Variants in TAFA2 observed in about 807,000 individuals in gnomAD.
TAFA2 encodes TAFA chemokine like family member 2, also known as chemokine-like protein TAFA-2.
A neutral mutation model predicts 18.8 loss-of-function variants in TAFA2; 7 were observed. The ratio of observed to expected loss-of-function variants is 0.37; its 90% CI spans 0.21 to 0.70. The LOEUF (loss-of-function observed/expected upper bound fraction) is 0.70, where lower values mean the gene tolerates loss of function less well. TAFA2 is among the 30% of genes least tolerant of loss of function. The pLI, the probability that TAFA2 is intolerant of heterozygous loss-of-function variation, is 0.53. For synonymous variants in TAFA2, 60 were observed against 54.2 expected (o/e 1.11, Z -0.47); for missense variants, 122 against 158.1 (o/e 0.77, Z 1.23).
At chr12:61,819,799 T>C (rs1872244813) in intron 2 of TAFA2, among the ~76,000 whole-genome samples, 1 of 152,124 alleles carries the variant, frequency 6.6e-6, no homozygotes, top group South Asian at 2.1e-4. Flanking sequence ...ACTGAGAATA[T>C]GACAAATGTC....
chr12:61,745,504 C>T (rs1868660794), intron 4 of TAFA2, among the ~76,000 whole-genome samples: 1 of 152,070 alleles, frequency 6.6e-6, no homozygotes, highest in Non-Finnish European at 1.5e-5. Flanking sequence ...CCCAAGACCT[C>T]AATCAACTAT....
chr12:62,199,080 G>A (rs1176546272), intron 1 of TAFA2, among the ~76,000 whole-genome samples: 1 of 152,118 alleles, frequency 6.6e-6, no homozygotes, highest in Non-Finnish European at 1.5e-5. Context: ...GACTCGGTTG[G>A]GCTTACTCAT....
Position 61,816,322 on chromosome 12 carries a change from G to C in TAFA2, c.106+50998C>G, listed in dbSNP as rs1215096337. ...AGTTTGCTAAGGATAATAGACTCCAGCTCCATCCATGTTCCTGCAAAAGAC... is the reference window on the plus strand; with the variant it reads ...AGTTTGCTAAGGATAATAGACTCCACCTCCATCCATGTTCCTGCAAAAGAC... On this transcript the variant is annotated intron_variant, in intron 2 of 4. Transcript: ENST00000416284. Among the ~76,000 whole-genome samples, 4 of 151,272 alleles carry C rather than the reference G, an allele frequency of 2.6e-5. 1 individual carries two copies. The highest frequency in any genetic ancestry group is 9.8e-5 in the African/African-American group (4 of 40,634).
intron 1 of TAFA2, among the ~76,000 whole-genome samples, chr12:62,047,190 A>G (rs1487694886): frequency 1.3e-5 from 2 of 152,138 alleles, no homozygotes; most frequent in Non-Finnish European, 2.9e-5. Context: ...TCAGCACCTA[A>G]CTGGTAGCAA....
chr12:62,212,954 A>T (rs560716697), intron 1 of TAFA2, among the ~76,000 whole-genome samples: 1 of 152,338 alleles, frequency 6.6e-6, no homozygotes, highest in African/African-American at 2.4e-5. Flanking sequence ...CCTGAAAATA[A>T]GCCTAAATAT....
In TAFA2 at chr12:62,241,539, A is replaced by T. The variant is rs77330297; in HGVS notation, c.-130+17224T>A. 3.4e-3 allele frequency among the ~76,000 whole-genome samples: 514 copies of T among 152,364 alleles called. 5 individuals are homozygous for T. The East Asian group carries it at 0.052, about 15-fold the overall frequency. ...TCCATTGTTGTGTAATATTTTAGCC[A>T]GTAAATAATACTTAATTGGCTTCCT... is the stretch of plus-strand genomic sequence containing the variant. On this transcript the variant is annotated intron_variant, in intron 1 of 5. Transcript: ENST00000551619.
chr12:62,248,744 T>C (rs1423184208), intron 1 of TAFA2, among the ~76,000 whole-genome samples: 1 of 152,228 alleles, frequency 6.6e-6, no homozygotes, highest in Non-Finnish European at 1.5e-5. Context: ...AATTCTTTTT[T>C]ATTTTTAATT....
At chr12:61,719,754 G>A (rs1869815729) in intron 4 of TAFA2, among the ~76,000 whole-genome samples, 1 of 152,154 alleles carries the variant, frequency 6.6e-6, no homozygotes, top group Non-Finnish European at 1.5e-5. Flanking sequence ...ACACCTGTCT[G>A]AATGAAGAAT....
chr12:61,836,867 T>C (rs886716011), intron 2 of TAFA2, among the ~76,000 whole-genome samples: 2 of 150,874 alleles, frequency 1.3e-5, no homozygotes, highest in African/African-American at 4.8e-5. Flanking sequence ...TATTTCTTTG[T>C]GAATTCCCTG....
intron 1 of TAFA2, among the ~76,000 whole-genome samples, chr12:62,188,079 C>T (rs1158344070): frequency 6.6e-6 from 1 of 152,096 alleles, no homozygotes; most frequent in East Asian, 1.9e-4. Context: ...GCTGGTTTGG[C>T]CTTCATATCT....
At chr12:62,008,345 G>T in intron 1 of TAFA2, among the ~76,000 whole-genome samples, 1 of 152,058 alleles carries the variant, frequency 6.6e-6, no homozygotes, top group East Asian at 1.9e-4. Context: ...AGTTGATTAA[G>T]TGGTTAAATA....
chr12:62,200,768 A>G (rs2062667764), intron 1 of TAFA2, among the ~76,000 whole-genome samples: 3 of 152,178 alleles, frequency 2.0e-5, no homozygotes, highest in Non-Finnish European at 2.9e-5. Flanking sequence ...ATTTTATAGT[A>G]GCTTTCTCTA....
chr12:62,257,247 C>T, intron 1 of TAFA2, among the ~76,000 whole-genome samples: 1 of 151,230 alleles, frequency 6.6e-6, no homozygotes, highest in East Asian at 1.9e-4. Flanking sequence ...TTCCCTTAGG[C>T]TCATGTAGCC....
intron 2 of TAFA2, among the ~76,000 whole-genome samples, chr12:61,827,704 A>G (rs1418669052): frequency 2.0e-5 from 3 of 152,164 alleles, no homozygotes; most frequent in South Asian, 4.1e-4. Context: ...ATATAAATAT[A>G]TGAATAGTCC....
intron 2 of TAFA2, among the ~76,000 whole-genome samples, chr12:61,767,305 AT>A (rs902769033): frequency 2.0e-5 from 3 of 152,070 alleles, no homozygotes; most frequent in African/African-American, 4.8e-5. Flanking sequence ...GAATCTCTAG[AT>A]TTCTTTCCAA....
intron 4 of TAFA2, among the ~76,000 whole-genome samples, chr12:61,719,409 A>T (rs1225980562): frequency 1.3e-5 from 2 of 152,070 alleles, no homozygotes; most frequent in Non-Finnish European, 2.9e-5. Context: ...GTCTTTTGAG[A>T]TATCTTTTCA....
chr12:61,843,261 G>T (rs187381685), intron 2 of TAFA2, among the ~76,000 whole-genome samples: 1 of 152,112 alleles, frequency 6.6e-6, no homozygotes, highest in Admixed American at 6.6e-5. Flanking sequence ...AATTATTTCC[G>T]AGTTTGCTGA....
chr12:61,804,304 T>G (rs12303470), intron 2 of TAFA2, among the ~76,000 whole-genome samples: 4,384 of 152,182 alleles, frequency 0.029, 218 homozygotes, highest in African/African-American at 0.099. Context: ...TGTCTATCTT[T>G]AAATATATGT....
chr12:62,101,655 C>T (rs1030883583), intron 1 of TAFA2, among the ~76,000 whole-genome samples: 2 of 152,208 alleles, frequency 1.3e-5, no homozygotes, highest in African/African-American at 4.8e-5. Flanking sequence ...ACAGTAAGTT[C>T]TACTTCAGCA....
Sources: allele counts gnomAD v4.1 joint callset (sites outside exome capture counted in the v4.1 genomes callset), GRCh38; gene constraint gnomAD v4.1.1; transcripts MANE v1.5; gene names NCBI Gene and HGNC (gene_info 2026-07-23, HGNC 2026-07-21).